The following KIAA1217 variants were observed in gnomAD, a reference collection of about 807,000 sequenced individuals.
KIAA1217 encodes the protein KIAA1217, also known as sickle tail protein homolog.
In KIAA1217, 88 loss-of-function variants were observed where a neutral mutation model predicts 163.9. The observed-to-expected ratio is 0.54, with a 90% CI of 0.45 to 0.64. KIAA1217 has a LOEUF of 0.64. KIAA1217 is among the 30% of genes least tolerant of loss of function. The pLI, the probability that KIAA1217 is intolerant of heterozygous loss-of-function variation, is 0.00. For synonymous variants in KIAA1217, 903 were observed against 923.1 expected (o/e 0.98, Z 0.39); for missense variants, 2,372 against 2,475.0 (o/e 0.96, Z 0.88).
At chr10:23,796,481 A>C (rs1244344661) in intron 1 of KIAA1217, among the ~76,000 whole-genome samples, 1 of 151,972 alleles carries the variant, frequency 6.6e-6, no homozygotes, top group African/African-American at 2.4e-5. Flanking sequence ...CTTCTGCCTC[A>C]GCATTCCTAG....
chr10:24,158,716 A>C, intron 2 of KIAA1217: 1 of 506,382 alleles, frequency 2.0e-6, no homozygotes, highest in Non-Finnish European at 4.0e-6. Flanking sequence ...CAAAGATTCT[A>C]CTAGTGATTA....
chr10:24,109,240 G>C (rs1413859349), intron 2 of KIAA1217, among the ~76,000 whole-genome samples: 1 of 152,114 alleles, frequency 6.6e-6, no homozygotes, highest in Non-Finnish European at 1.5e-5. Context: ...ATGCCACTAG[G>C]GGTGCTTACA....
intron 8 of KIAA1217, among the ~76,000 whole-genome samples, chr10:24,498,863 T>G (rs970365125): frequency 3.3e-5 from 5 of 152,188 alleles, no homozygotes; most frequent in Non-Finnish European, 5.9e-5. Context: ...GTTATCAGCA[T>G]TCAACTGTAA....
At chr10:24,044,246 AG>A (rs1281847418) in intron 2 of KIAA1217, among the ~76,000 whole-genome samples, 2 of 152,190 alleles carry the variant, frequency 1.3e-5, no homozygotes, top group African/African-American at 2.4e-5. Flanking sequence ...TTTCTAAGAT[AG>A]CTCTGTTGCA....
At chr10:23,976,232 AC>A (rs1376621730) in intron 1 of KIAA1217, among the ~76,000 whole-genome samples, 1 of 152,146 alleles carries the variant, frequency 6.6e-6, no homozygotes, top group Non-Finnish European at 1.5e-5. Context: ...TTATCCAGTC[AC>A]CCAAGCAGCC....
At chr10:23,741,841 G>A in intron 1 of KIAA1217, among the ~76,000 whole-genome samples, 1 of 152,232 alleles carries the variant, frequency 6.6e-6, no homozygotes, top group East Asian at 1.9e-4. Context: ...GATAGGTAGA[G>A]CAACACTAAG....
chr10:24,130,229 G>A (rs898586946), intron 2 of KIAA1217, among the ~76,000 whole-genome samples: 2 of 152,128 alleles, frequency 1.3e-5, no homozygotes, highest in Non-Finnish European at 2.9e-5. Flanking sequence ...GCGCAATGGC[G>A]CAATCATAGT....
In KIAA1217 at chr10:24,543,154, A is replaced by C; in HGVS notation, c.3884A>C (p.Asp1295Ala). 1 of 1,613,250 alleles carries C rather than the reference A, an allele frequency of 6.2e-7. No individual in the cohort carries two copies. The highest frequency in any genetic ancestry group is 8.5e-7 in the Non-Finnish European group (1 of 1,179,894). The change falls in exon 19 of 21, where the codon GAC (aspartate) becomes GCC (alanine). Residue 1295 changes from aspartate to alanine, a missense_variant. Asp to Ala is a moderately radical substitution (Grantham distance 126). Around this residue, in one of 3 missense-constraint regions of KIAA1217, gnomAD observed 251 missense variants for 327.3 expected, o/e 0.77. Transcript: ENST00000376454. ...TCAGGCCTGCAATACTCTATACCTG[A>C]CACCGAGAACCAGACGCTGAATTAC... ...KISGLQYSIP[D>A]TENQTLNYGK...
chr10:24,524,627 C>G lies in KIAA1217; in HGVS notation c.2761C>G (p.Gln921Glu). ...PHVASSPAVPQEATSTLQMSQ... is the reference protein window; with the variant it reads ...PHVASSPAVPEEATSTLQMSQ... ...CGTGGCCAGCTCCCCAGCCGTCCCC[C>G]AGGAAGCAACCTCCACTCTGCAGAT... is the stretch of plus-strand genomic sequence containing the variant. Residue 921 changes from glutamine (Q) to glutamate (E), a missense_variant, in exon 13 of 21, where the codon CAG becomes GAG. Gln to Glu is a conservative substitution (Grantham distance 29). Transcript: ENST00000376454. 6.2e-7 allele frequency: 1 copy of G among 1,614,184 alleles called. No homozygotes were observed. Among genetic ancestry groups the G allele is most frequent in the Non-Finnish European group, 8.5e-7 (1 of 1,180,050 alleles).
intron 1 of KIAA1217, among the ~76,000 whole-genome samples, chr10:24,212,852 T>A (rs2130709404): frequency 6.6e-6 from 1 of 152,332 alleles, no homozygotes; most frequent in Middle Eastern, 3.4e-3. Context: ...CTGGGCAACC[T>A]AACAGAGCAC....
intron 1 of KIAA1217, among the ~76,000 whole-genome samples, chr10:23,810,211 CATCT>C (rs1235528411): frequency 3.3e-5 from 5 of 151,086 alleles, no homozygotes; most frequent in South Asian, 4.2e-4. Context: ...TCCATCCATT[CATCT>C]ATCTGTCTGT....
At position 23,938,165 on chromosome 10, in the gene KIAA1217, T is replaced by C. The variant is rs564457668; in HGVS notation, c.-320-69060T>C. ...ACCACTCAAAAGGTCACGCAGAACT[T>C]TCCTCAGAGCTCACGCAAGACTTGG... On this transcript the variant is annotated intron_variant, in intron 1 of 18. Transcript: ENST00000376462. Among the ~76,000 whole-genome samples the C allele has an allele frequency of 2.6e-5, 4 of 152,328 alleles. No homozygotes were observed. In the South Asian group the frequency reaches 8.3e-4, roughly 32 times the overall value.
chr10:24,309,055 G>C (rs1349372221), intron 2 of KIAA1217, among the ~76,000 whole-genome samples: 1 of 150,790 alleles, frequency 6.6e-6, no homozygotes, highest in Non-Finnish European at 1.5e-5. Context: ...CCCAGGAGGC[G>C]GAGGTTGCAG....
chr10:24,377,358 CAG>C (rs1437332502), intron 2 of KIAA1217, among the ~76,000 whole-genome samples: 1 of 152,138 alleles, frequency 6.6e-6, no homozygotes, highest in African/African-American at 2.4e-5. Context: ...TCACGTGGCT[CAG>C]AGAATATTCC....
intron 2 of KIAA1217, among the ~76,000 whole-genome samples, chr10:24,008,832 C>A (rs1209087004): frequency 6.6e-6 from 1 of 152,170 alleles, no homozygotes; most frequent in East Asian, 1.9e-4. Context: ...AGGGAGCAGA[C>A]CTGGCAGTCA....
intron 1 of KIAA1217, among the ~76,000 whole-genome samples, chr10:23,824,357 C>T (rs543610479): frequency 2.6e-4 from 39 of 150,202 alleles, no homozygotes; most frequent in African/African-American, 8.3e-4. Context: ...AGGCCGGGCG[C>T]GGTGGCTCAC....
chr10:24,282,732 T>C (rs1006668329), intron 2 of KIAA1217, among the ~76,000 whole-genome samples: 1 of 151,616 alleles, frequency 6.6e-6, no homozygotes, highest in Non-Finnish European at 1.5e-5. Context: ...TCCAGGCTCA[T>C]CTTCTACATT....
intron 1 of KIAA1217, among the ~76,000 whole-genome samples, chr10:24,216,305 C>T (rs1274475668): frequency 3.3e-5 from 5 of 152,090 alleles, no homozygotes; most frequent in Non-Finnish European, 7.4e-5. Context: ...TCATATGAGC[C>T]TGTGCAGCAT....
intron 2 of KIAA1217, among the ~76,000 whole-genome samples, chr10:24,047,335 C>T (rs1849107677): frequency 6.6e-6 from 1 of 152,170 alleles, no homozygotes; most frequent in African/African-American, 2.4e-5. Context: ...TAATTCTCTT[C>T]TGACACAGGC....
Sources: gnomAD v4.1 joint callset for allele counts (sites outside exome capture counted in the v4.1 genomes callset) on GRCh38, gnomAD v4.1.1 for gene constraint, gnomAD v4.1.1 regional missense constraint, MANE v1.5 for transcripts, NCBI Gene and HGNC (gene_info 2026-07-23, HGNC 2026-07-21) for gene names.